ADCY2: variants seen among roughly 807,000 people sequenced by gnomAD.
ADCY2 encodes adenylate cyclase type 2.
ADCY2 carries 31 observed loss-of-function variants against 125.2 expected under a neutral mutation model. The ratio of observed to expected loss-of-function variants is 0.25; its 90% CI spans 0.19 to 0.33. ADCY2 has a LOEUF of 0.33. Ranked by LOEUF, ADCY2 falls within the 10% of genes least tolerant of loss-of-function variation. ADCY2 has a pLI of 1.00. For synonymous variants in ADCY2, 512 were observed against 548.4 expected, an observed-to-expected ratio of 0.93 and a Z score of 0.93; for missense variants, 904 against 1,418.2, an observed-to-expected ratio of 0.64 and a Z score of 5.82.
At chr5:7,642,607 T>A (rs1738748244) in intron 4 of ADCY2, among the ~76,000 whole-genome samples, 1 of 152,130 alleles carries the variant, frequency 6.6e-6, no homozygotes, top group African/African-American at 2.4e-5. Flanking sequence ...CAAGCTGATG[T>A]CCAGAATGCT....
chr5:7,503,694 G>C (rs1458324343), intron 2 of ADCY2, among the ~76,000 whole-genome samples: 1 of 152,324 alleles, frequency 6.6e-6, no homozygotes, highest in South Asian at 2.1e-4. Flanking sequence ...TTAACATAGA[G>C]AGGAAGAAAG....
chr5:7,690,108 C>CT (rs1740659914), intron 4 of ADCY2, among the ~76,000 whole-genome samples: 1 of 152,170 alleles, frequency 6.6e-6, no homozygotes. Context: ...TGTGTTCCAC[C>CT]TGTAGTTTCT....
chr5:7,669,032 G>T (rs1186791040), intron 4 of ADCY2, among the ~76,000 whole-genome samples: 1 of 152,180 alleles, frequency 6.6e-6, no homozygotes, highest in African/African-American at 2.4e-5. Context: ...ACAGCAGGCA[G>T]CCATCCTGGG....
At chr5:7,422,652 G>A (rs909476587) in intron 2 of ADCY2, among the ~76,000 whole-genome samples, 2 of 152,146 alleles carry the variant, frequency 1.3e-5, no homozygotes, top group African/African-American at 4.8e-5. Flanking sequence ...TTATTTTACA[G>A]ATTTGTTAAA....
At chr5:7,611,782 G>T (rs1212270777) in intron 3 of ADCY2, among the ~76,000 whole-genome samples, 1 of 152,110 alleles carries the variant, frequency 6.6e-6, no homozygotes, top group East Asian at 1.9e-4. Context: ...ACACTGTCAT[G>T]CTTCCTAAGA....
intron 13 of ADCY2, among the ~76,000 whole-genome samples, chr5:7,724,856 A>G (rs181283042): frequency 8.5e-5 from 13 of 152,270 alleles, no homozygotes; most frequent in Admixed American, 8.5e-4. Context: ...GGTATCTGCA[A>G]TGTGTGCGAA....
At chr5:7,643,187 G>A (rs571748942) in intron 4 of ADCY2, among the ~76,000 whole-genome samples, 243 of 151,730 alleles carry the variant, frequency 1.6e-3, no homozygotes, top group African/African-American at 5.7e-3. Flanking sequence ...TGCTTTTAGT[G>A]TTTTCTCTGC....
chr5:7,609,876 A>G (rs1415304503), intron 3 of ADCY2, among the ~76,000 whole-genome samples: 2 of 152,186 alleles, frequency 1.3e-5, no homozygotes, highest in African/African-American at 4.8e-5. Context: ...AGGAATGAGC[A>G]GAAGGAGTTC....
chr5:7,397,445 GTTTTTTTTT>G (rs767411861), intron 1 of ADCY2, among the ~76,000 whole-genome samples: 1 of 70,098 alleles, frequency 1.4e-5, no homozygotes, highest in African/African-American at 5.1e-5. Flanking sequence ...CCACCAGTGA[GTTTTTTTTT>G]TTTTTTTTTT....
intron 16 of ADCY2, among the ~76,000 whole-genome samples, chr5:7,765,682 G>A (rs937317665): frequency 6.6e-6 from 1 of 152,108 alleles, no homozygotes. Flanking sequence ...ACAAACAAAA[G>A]CAACCATAGA....
chr5:7,498,359 C>T (rs1459332873), intron 2 of ADCY2, among the ~76,000 whole-genome samples: 2 of 149,734 alleles, frequency 1.3e-5, no homozygotes, highest in Non-Finnish European at 3.0e-5. Context: ...CGCCATTCTC[C>T]TGCCTCAGCC....
At chr5:7,735,498 A>G (rs527793706) in intron 14 of ADCY2, among the ~76,000 whole-genome samples, 1 of 152,282 alleles carries the variant, frequency 6.6e-6, no homozygotes, top group African/African-American at 2.4e-5. Flanking sequence ...AGGAAATTCC[A>G]TTTTATTAAT....
intron 13 of ADCY2, 57 bp from the exon 14 acceptor site, chr5:7,727,107 T>A: frequency 2.3e-6 from 3 of 1,329,170 alleles, no homozygotes; most frequent in Non-Finnish European, 3.2e-6. Context: ...TGCTGGACAC[T>A]GTGTGCAGCT....
At chr5:7,469,199 A>T (rs377524185) in intron 2 of ADCY2, among the ~76,000 whole-genome samples, 4 of 151,980 alleles carry the variant, frequency 2.6e-5, no homozygotes, top group South Asian at 4.1e-4. Context: ...AAAATGACCA[A>T]TTATCTAACC....
At chr5:7,634,967 A>T (rs769100189) in intron 4 of ADCY2, among the ~76,000 whole-genome samples, 1 of 152,146 alleles carries the variant, frequency 6.6e-6, no homozygotes, top group Non-Finnish European at 1.5e-5. Context: ...TTGAAATATG[A>T]ATTGCTGAAG....
At chr5:7,635,858 C>T (rs1237663013) in intron 4 of ADCY2, among the ~76,000 whole-genome samples, 1 of 152,196 alleles carries the variant, frequency 6.6e-6, no homozygotes, top group Non-Finnish European at 1.5e-5. Context: ...CTTGAGTTCC[C>T]TCTCATGATA....
intron 4 of ADCY2, among the ~76,000 whole-genome samples, chr5:7,666,071 C>A (rs1449698149): frequency 1.3e-5 from 2 of 151,396 alleles, no homozygotes; most frequent in Non-Finnish European, 2.9e-5. Flanking sequence ...ATCTCCTGAC[C>A]TCGTGATCCG....
At chr5:7,821,304 A>C (rs138389477) in intron 24 of ADCY2, among the ~76,000 whole-genome samples, 1 of 152,358 alleles carries the variant, frequency 6.6e-6, no homozygotes. Flanking sequence ...TTACAATAGC[A>C]CTAATAATAT....
At chr5:7,440,180 T>A (rs1740959111) in intron 2 of ADCY2, among the ~76,000 whole-genome samples, 1 of 152,270 alleles carries the variant, frequency 6.6e-6, no homozygotes, top group African/African-American at 2.4e-5. Flanking sequence ...TTCAAGTTGT[T>A]ATAATAGAGT....
Sources: allele counts gnomAD v4.1 joint callset (sites outside exome capture counted in the v4.1 genomes callset), GRCh38; gene constraint gnomAD v4.1.1; transcripts MANE v1.5; gene names NCBI Gene and HGNC (gene_info 2026-07-23, HGNC 2026-07-21).